EYA2: variants seen among roughly 807,000 people sequenced by gnomAD.
EYA2 encodes protein phosphatase EYA2.
In EYA2, 31 loss-of-function variants were observed where a neutral mutation model predicts 69.2. That is an observed-to-expected ratio of 0.45 (90% CI 0.34 to 0.60). The LOEUF is 0.60. Ranked by LOEUF, EYA2 falls within the 20% of genes least tolerant of loss-of-function variation. The pLI, the probability that EYA2 is intolerant of heterozygous loss-of-function variation, is 0.02. For synonymous variants in EYA2, 257 were observed against 279.4 expected (o/e 0.92, Z 0.80); for missense variants, 622 against 701.2 (o/e 0.89, Z 1.28).
chr20:46,969,943 A>G (rs1290443980), intron 1 of EYA2, among the ~76,000 whole-genome samples: 1 of 152,226 alleles, frequency 6.6e-6, no homozygotes, highest in Non-Finnish European at 1.5e-5. Context: ...TGTTCCCTGA[A>G]ACATAATCCT....
intron 7 of EYA2, among the ~76,000 whole-genome samples, chr20:47,080,260 C>G (rs2031662667): frequency 6.6e-6 from 1 of 151,516 alleles, no homozygotes; most frequent in Admixed American, 6.6e-5. Context: ...AAGAAGAAAT[C>G]AATGGGAAAT....
chr20:47,005,351 T>C (rs1982641935), intron 4 of EYA2, among the ~76,000 whole-genome samples: 1 of 152,234 alleles, frequency 6.6e-6, no homozygotes, highest in African/African-American at 2.4e-5. Context: ...CCGAGAGATC[T>C]GTGGATACAG....
In EYA2 at chr20:47,123,158, A is replaced by G. The variant is rs139678938; in HGVS notation, c.889-19901A>G. On this transcript the variant is annotated intron_variant, in intron 9 of 15. Coordinates refer to ENST00000327619, the MANE Select transcript of EYA2 (RefSeq NM_005244.5). Reference sequence around the variant, plus strand: ...AAGAGTTTTTGTAGATAAGCAAATGACACTTTTTTTTTTAATTGACAGATA... The same window carrying G: ...AAGAGTTTTTGTAGATAAGCAAATGGCACTTTTTTTTTTAATTGACAGATA... 3.2e-3 allele frequency among the ~76,000 whole-genome samples: 489 copies of G among 152,134 alleles called. 4 individuals are homozygous for G. Among genetic ancestry groups the G allele is most frequent in the African/African-American group, 0.011 (447 of 41,506 alleles).
At chr20:46,980,517 A>T (rs971297681) in intron 1 of EYA2, among the ~76,000 whole-genome samples, 1 of 152,176 alleles carries the variant, frequency 6.6e-6, no homozygotes, top group East Asian at 1.9e-4. Context: ...TTCAGGGTGC[A>T]TGTGACTGTT....
At chr20:46,993,334 G>C (rs1029892660) in intron 2 of EYA2, among the ~76,000 whole-genome samples, 1 of 152,306 alleles carries the variant, frequency 6.6e-6, no homozygotes, top group East Asian at 1.9e-4. Flanking sequence ...ACTCATCTCC[G>C]TCCCTATTGC....
chr20:47,115,216 A>C (rs967330652), intron 9 of EYA2, among the ~76,000 whole-genome samples: 4 of 151,824 alleles, frequency 2.6e-5, no homozygotes, highest in African/African-American at 9.7e-5. Flanking sequence ...TGAAAATGCA[A>C]ATCAGGCCCT....
intron 1 of EYA2, among the ~76,000 whole-genome samples, chr20:46,922,683 C>A (rs1311371530): frequency 6.6e-6 from 1 of 152,120 alleles, no homozygotes; most frequent in Admixed American, 6.6e-5. Context: ...AGAAACACAC[C>A]ATGTTGCGAC....
intron 5 of EYA2, among the ~76,000 whole-genome samples, chr20:47,020,528 T>TTTTTC (rs1370574135): frequency 6.6e-6 from 1 of 152,316 alleles, no homozygotes; most frequent in East Asian, 1.9e-4. Flanking sequence ...GGTTTGATTT[T>TTTTTC]TTTTCTTTTT....
intron 7 of EYA2, among the ~76,000 whole-genome samples, chr20:47,080,984 C>T (rs73123781): frequency 1.8e-3 from 275 of 152,294 alleles, no homozygotes; most frequent in Non-Finnish European, 3.0e-3. Flanking sequence ...CCTCCCTCAG[C>T]CTCTCAAGTA....
At chr20:47,105,942 T>G (rs1229216059) in intron 9 of EYA2, among the ~76,000 whole-genome samples, 1 of 152,210 alleles carries the variant, frequency 6.6e-6, no homozygotes, top group African/African-American at 2.4e-5. Context: ...CCCTGCGTTA[T>G]TGTGCAATGG....
intron 5 of EYA2, among the ~76,000 whole-genome samples, chr20:47,069,730 A>AC (rs2031241991): frequency 6.6e-6 from 1 of 152,096 alleles, no homozygotes; most frequent in Admixed American, 6.6e-5. Context: ...AAATATATAC[A>AC]CCTACTGTGT....
intron 13 of EYA2, 75 bp from the exon 14 acceptor site, chr20:47,180,740 C>T (rs1164465499): frequency 6.4e-7 from 1 of 1,559,250 alleles, no homozygotes; most frequent in African/African-American, 1.4e-5. Flanking sequence ...CCGCCAACTG[C>T]AGGCTCATGC....
chr20:47,049,567 C>T (rs1305077421), intron 5 of EYA2, among the ~76,000 whole-genome samples: 2 of 150,034 alleles, frequency 1.3e-5, no homozygotes, highest in Non-Finnish European at 3.0e-5. Context: ...CCCTTTCCCT[C>T]TCTCTTGCTC....
chr20:46,974,152 A>G (rs1446286615), intron 1 of EYA2, among the ~76,000 whole-genome samples: 2 of 152,242 alleles, frequency 1.3e-5, no homozygotes, highest in Non-Finnish European at 2.9e-5. Context: ...GGACTCAAAT[A>G]TGAAAGGCAC....
chr20:47,079,181 CTGA>C (rs1417920535), intron 7 of EYA2, among the ~76,000 whole-genome samples: 3 of 152,148 alleles, frequency 2.0e-5, no homozygotes, highest in Admixed American at 2.0e-4. Context: ...AAATTTTTTG[CTGA>C]TGAGTATGGT....
intron 10 of EYA2, among the ~76,000 whole-genome samples, chr20:47,167,881 C>G (rs755101909): frequency 3.3e-5 from 5 of 152,166 alleles, no homozygotes; most frequent in Admixed American, 2.0e-4. Flanking sequence ...CGTTATTCGG[C>G]CCAGCACAGT....
intron 1 of EYA2, among the ~76,000 whole-genome samples, chr20:46,918,224 G>A (rs1985007831): frequency 2.0e-5 from 3 of 151,998 alleles, no homozygotes; most frequent in Non-Finnish European, 4.4e-5. Flanking sequence ...AGGAGGCTGA[G>A]GCAGGAGAAT....
At chr20:47,174,154 T>G (rs1320622895) in intron 12 of EYA2, among the ~76,000 whole-genome samples, 2 of 152,146 alleles carry the variant, frequency 1.3e-5, no homozygotes, top group East Asian at 3.9e-4. Flanking sequence ...GGGCAGGGTT[T>G]GAGTAGGTGG....
chr20:47,103,103 T>C (rs1265104465), intron 9 of EYA2, among the ~76,000 whole-genome samples: 1 of 152,046 alleles, frequency 6.6e-6, no homozygotes, highest in Non-Finnish European at 1.5e-5. Context: ...AACAATTTTA[T>C]TGAGATACAA....
Sources: allele counts gnomAD v4.1 joint callset (sites outside exome capture counted in the v4.1 genomes callset), GRCh38; gene constraint gnomAD v4.1.1; transcripts MANE v1.5; gene names NCBI Gene and HGNC (gene_info 2026-07-23, HGNC 2026-07-21).